The following PTPRT variants were observed in gnomAD, a reference collection of about 807,000 sequenced individuals.
PTPRT encodes the protein protein tyrosine phosphatase receptor type T, also known as receptor-type tyrosine-protein phosphatase T.
Under a neutral mutation model 176.8 loss-of-function variants are expected in PTPRT, and 56 were observed. The ratio of observed to expected loss-of-function variants is 0.32; its 90% confidence interval spans 0.26 to 0.40. PTPRT has a LOEUF of 0.40. Ranked by LOEUF, PTPRT falls within the 10% of genes least tolerant of loss-of-function variation. PTPRT has a pLI of 1.00. For missense variants in PTPRT, 1,540 were observed against 1,908.2 expected (o/e 0.81, Z 3.60); for synonymous variants, 783 against 739.0 (o/e 1.06, Z -0.96).
At chr20:42,625,302 T>C (rs1269465495) in intron 7 of PTPRT, among the ~76,000 whole-genome samples, 4 of 152,062 alleles carry the variant, frequency 2.6e-5, no homozygotes, top group East Asian at 1.9e-4. Flanking sequence ...AAAGACTTAA[T>C]TTGCTAAGTC....
chr20:42,787,087 T>G (rs148633060), intron 3 of PTPRT, among the ~76,000 whole-genome samples: 18 of 152,326 alleles, frequency 1.2e-4, no homozygotes, highest in African/African-American at 4.3e-4. Flanking sequence ...GTAATTGCAA[T>G]AGAAATTGTA....
intron 7 of PTPRT, among the ~76,000 whole-genome samples, chr20:42,488,613 GT>G (rs377195503): frequency 3.3e-5 from 5 of 151,834 alleles, no homozygotes; most frequent in East Asian, 1.9e-4. Context: ...TATTCTAGGG[GT>G]TTTTTTTGTT....
chr20:42,377,759 C>T (rs1426402124), intron 9 of PTPRT, among the ~76,000 whole-genome samples: 1 of 152,122 alleles, frequency 6.6e-6, no homozygotes, highest in East Asian at 1.9e-4. Flanking sequence ...AGTTCGCCAC[C>T]TCTGTAAATT....
intron 16 of PTPRT, among the ~76,000 whole-genome samples, chr20:42,165,318 G>A (rs902055531): frequency 1.7e-4 from 26 of 152,316 alleles, no homozygotes; most frequent in Middle Eastern, 6.8e-3. Context: ...ATGCACGTTA[G>A]ATATTGTGTT....
Position 42,199,281 on chromosome 20 carries a change from T to A in PTPRT, c.2450A>T (p.Asp817Val). 1 of 1,614,186 alleles carries A rather than the reference T, an allele frequency of 6.2e-7. No individual in the cohort carries two copies. Among genetic ancestry groups the A allele is most frequent in the Admixed American group, 1.7e-5 (1 of 60,022 alleles). ...CTGAGAACTAGAAGAGAAGCCTTCA[T>A]CATTGCGGCTGGCGCTGAGCTTGGT... ...PTTKLSASRN[D>V]EGFSSSSQDV... Residue 817 changes from aspartate to valine, a missense_variant, in exon 16 of 31, where the codon GAT becomes GTT. Asp to Val is a radical substitution (Grantham distance 152, BLOSUM62 -3). Around this residue, in one of 11 missense-constraint regions of PTPRT, gnomAD observed 255 missense variants for 250.1 expected, o/e 1.02. Transcript: ENST00000373187.
chr20:42,671,729 G>A (rs76201600), intron 7 of PTPRT, among the ~76,000 whole-genome samples: 2 of 152,238 alleles, frequency 1.3e-5, no homozygotes, highest in Non-Finnish European at 1.5e-5. Flanking sequence ...ATACATGATC[G>A]CATTTGCTCT....
intron 1 of PTPRT, among the ~76,000 whole-genome samples, chr20:43,137,634 C>A (rs1281872283): frequency 2.0e-5 from 3 of 152,182 alleles, no homozygotes; most frequent in African/African-American, 7.2e-5. Flanking sequence ...GGAAGATCCT[C>A]TGGGGCGGCA....
intron 6 of PTPRT, among the ~76,000 whole-genome samples, chr20:42,682,855 T>G (rs2075626287): frequency 1.3e-5 from 2 of 152,242 alleles, no homozygotes; most frequent in Non-Finnish European, 2.9e-5. Flanking sequence ...TTCTTTTCCC[T>G]GCTGTGAGCA....
intron 18 of PTPRT, among the ~76,000 whole-genome samples, chr20:42,140,524 C>T (rs907056037): frequency 8.5e-5 from 13 of 152,182 alleles, no homozygotes; most frequent in Non-Finnish European, 1.6e-4. Context: ...TTCCTCACCC[C>T]CCAGAACTGA....
In PTPRT at chr20:42,528,229, G is replaced by A. The variant is rs79642181; in HGVS notation, c.1154-55667C>T. On this transcript the variant is annotated intron_variant, in intron 7 of 30. Transcript: ENST00000373187. Reference sequence around the variant, plus strand: ...CCTTTTCATGCTTACCCACCCTTCAGAACTCAGCTCAAATTTCATTTATTT... The same window carrying A: ...CCTTTTCATGCTTACCCACCCTTCAAAACTCAGCTCAAATTTCATTTATTT... Among the ~76,000 whole-genome samples the A allele has an allele frequency of 5.3e-3, 806 of 151,982 alleles. 11 individuals carry two copies. Among genetic ancestry groups the A allele is most frequent in the African/African-American group, 0.017 (712 of 41,444 alleles).
chr20:42,352,636 T>G (rs1190140017), intron 9 of PTPRT, among the ~76,000 whole-genome samples: 1 of 152,124 alleles, frequency 6.6e-6, no homozygotes, highest in Admixed American at 6.5e-5. Flanking sequence ...AAATAATGAA[T>G]AAGATCTTAC....
At chr20:42,622,963 T>A (rs928442003) in intron 7 of PTPRT, among the ~76,000 whole-genome samples, 1 of 152,228 alleles carries the variant, frequency 6.6e-6, no homozygotes, top group African/African-American at 2.4e-5. Flanking sequence ...CTTGCATCCA[T>A]ATAAACCCTG....
chr20:42,715,599 C>T (rs2076210837), intron 6 of PTPRT, among the ~76,000 whole-genome samples: 1 of 152,048 alleles, frequency 6.6e-6, no homozygotes, highest in African/African-American at 2.4e-5. Context: ...CAGAACTAAT[C>T]CAGTCTGAAC....
At chr20:43,160,895 A>G (rs1397330959) in intron 1 of PTPRT, among the ~76,000 whole-genome samples, 4 of 150,380 alleles carry the variant, frequency 2.7e-5, no homozygotes, top group Non-Finnish European at 5.9e-5. Context: ...CAAGGTGGAC[A>G]CTTAGTAACC....
intron 1 of PTPRT, among the ~76,000 whole-genome samples, chr20:43,122,570 C>T (rs1343860998): frequency 6.6e-6 from 1 of 152,154 alleles, no homozygotes; most frequent in Non-Finnish European, 1.5e-5. Flanking sequence ...TGGTTTAGCG[C>T]CATCCACTTG....
intron 7 of PTPRT, among the ~76,000 whole-genome samples, chr20:42,605,137 T>C (rs1478943790): frequency 1.3e-5 from 2 of 152,226 alleles, no homozygotes; most frequent in Non-Finnish European, 2.9e-5. Flanking sequence ...CAGGCCTCTA[T>C]GAATGCCTGA....
chr20:42,425,970 G>A (rs936010267), intron 9 of PTPRT, among the ~76,000 whole-genome samples: 2 of 152,156 alleles, frequency 1.3e-5, no homozygotes, highest in Non-Finnish European at 2.9e-5. Context: ...AAAAGCAGAT[G>A]ATCAGAAAGC....
intron 7 of PTPRT, among the ~76,000 whole-genome samples, chr20:42,544,570 A>G (rs1285355340): frequency 1.3e-5 from 2 of 152,146 alleles, no homozygotes; most frequent in Admixed American, 1.3e-4. Flanking sequence ...TATCACAGAT[A>G]TGTAAGAAAA....
intron 7 of PTPRT, among the ~76,000 whole-genome samples, chr20:42,529,736 C>G (rs769950519): frequency 2.6e-5 from 4 of 151,730 alleles, no homozygotes; most frequent in African/African-American, 4.8e-5. Flanking sequence ...ATCCACTGTC[C>G]TCAGTCTCCC....
Sources: allele counts gnomAD v4.1 joint callset (sites outside exome capture counted in the v4.1 genomes callset), GRCh38; gene constraint gnomAD v4.1.1; regional missense constraint gnomAD v4.1.1; transcripts MANE v1.5; gene names NCBI Gene and HGNC (gene_info 2026-07-23, HGNC 2026-07-21).